The following MSR1 variants were observed in gnomAD, a reference collection of about 807,000 sequenced individuals.
The protein encoded by MSR1 is macrophage scavenger receptor 1, also known as macrophage scavenger receptor types I and II.
In MSR1, 53 loss-of-function variants were observed where a neutral mutation model predicts 47.2. The observed-to-expected ratio is 1.12, with a 90% CI of 0.90 to 1.41. MSR1 has a LOEUF of 1.41. MSR1 is among the 40% of genes most tolerant of loss of function. The pLI is 0.00. For synonymous variants in MSR1, 239 were observed against 185.6 expected (o/e 1.29, Z -2.34); for missense variants, 786 against 546.9 (o/e 1.44, Z -4.36).
chr8:16,113,957 T>C (rs1358282422), intron 9 of MSR1, among the ~76,000 whole-genome samples: 3 of 135,108 alleles, frequency 2.2e-5, no homozygotes, highest in Admixed American at 8.4e-5. Flanking sequence ...TGATGACCTC[T>C]GCTAGCCCTA....
At chr8:16,146,027 G>T (rs895742538) in intron 7 of MSR1, among the ~76,000 whole-genome samples, 1 of 151,986 alleles carries the variant, frequency 6.6e-6, no homozygotes, top group Non-Finnish European at 1.5e-5. Flanking sequence ...TGTAAGAGGG[G>T]GTGTCTTCAA....
chr8:16,113,170 G>C (rs557714215), intron 9 of MSR1, among the ~76,000 whole-genome samples: 1 of 151,632 alleles, frequency 6.6e-6, no homozygotes, highest in Admixed American at 6.6e-5. Flanking sequence ...GAATGGTCTC[G>C]ATCTCTTCAC....
intron 1 of MSR1, among the ~76,000 whole-genome samples, chr8:16,179,107 T>A (rs113358462): frequency 6.6e-6 from 1 of 152,202 alleles, no homozygotes; most frequent in East Asian, 1.9e-4. Context: ...TTTTTGAGTG[T>A]GGAAAAAGAG....
chr8:16,161,034 T>A (rs963235594), intron 5 of MSR1, among the ~76,000 whole-genome samples: 4 of 66,524 alleles, frequency 6.0e-5, no homozygotes, highest in Non-Finnish European at 1.0e-4. Flanking sequence ...TTAAATAGCA[T>A]TTTTTTTTTT....
At chr8:16,147,303 C>T (rs1800727377) in intron 7 of MSR1, among the ~76,000 whole-genome samples, 1 of 152,046 alleles carries the variant, frequency 6.6e-6, no homozygotes. Context: ...CTGTCTTATT[C>T]ACCCTTCATT....
intron 7 of MSR1, among the ~76,000 whole-genome samples, chr8:16,147,678 G>A (rs545544514): frequency 6.6e-6 from 1 of 152,110 alleles, no homozygotes; most frequent in East Asian, 1.9e-4. Flanking sequence ...TTGTAGAGGA[G>A]AGACTGTACT....
At chr8:16,115,046 G>T (rs564182985) in intron 9 of MSR1, among the ~76,000 whole-genome samples, 1 of 152,098 alleles carries the variant, frequency 6.6e-6, no homozygotes, top group South Asian at 2.1e-4. Context: ...GGGTGTGGTG[G>T]TGCATGCCTG....
chr8:16,128,314 C>T (rs115353245), intron 8 of MSR1, among the ~76,000 whole-genome samples: 2,758 of 152,002 alleles, frequency 0.018, 81 homozygotes, highest in African/African-American at 0.063. Flanking sequence ...AAGATAGAGG[C>T]CATATGGAGG....
At chr8:16,117,952 C>T (rs1799915210) in intron 9 of MSR1, among the ~76,000 whole-genome samples, 1 of 152,274 alleles carries the variant, frequency 6.6e-6, no homozygotes, top group African/African-American at 2.4e-5. Flanking sequence ...AAACCTTCTC[C>T]CATCCCTGGT....
At chr8:16,130,665 G>C (rs1476302063) in intron 8 of MSR1, among the ~76,000 whole-genome samples, 1 of 151,908 alleles carries the variant, frequency 6.6e-6, no homozygotes, top group Non-Finnish European at 1.5e-5. Context: ...CCCACTGTCT[G>C]TTGTTCCCTT....
chr8:16,169,576 A>C (rs1290675824), intron 3 of MSR1, among the ~76,000 whole-genome samples: 1 of 152,170 alleles, frequency 6.6e-6, no homozygotes, highest in Non-Finnish European at 1.5e-5. Flanking sequence ...AAAACAATTT[A>C]CCATGAATCT....
At chr8:16,136,570 C>A (rs1455038681) in intron 8 of MSR1, among the ~76,000 whole-genome samples, 1 of 151,970 alleles carries the variant, frequency 6.6e-6, no homozygotes, top group East Asian at 1.9e-4. Flanking sequence ...ATTAGCTATA[C>A]ACTCTATTAA....
chr8:16,173,706 T>C (rs923799376), intron 3 of MSR1, among the ~76,000 whole-genome samples: 1 of 152,176 alleles, frequency 6.6e-6, no homozygotes, highest in African/African-American at 2.4e-5. Context: ...TGGAGCACAG[T>C]GGCGCGATCT....
chr8:16,189,531 T>A (rs1323872790), intron 1 of MSR1, among the ~76,000 whole-genome samples: 1 of 98,330 alleles, frequency 1.0e-5, no homozygotes, highest in East Asian at 2.8e-4. Flanking sequence ...AATCATATTT[T>A]ATATATATTT....
intron 8 of MSR1, among the ~76,000 whole-genome samples, chr8:16,128,407 G>A (rs1800178030): frequency 6.6e-6 from 1 of 151,968 alleles, no homozygotes; most frequent in African/African-American, 2.4e-5. Context: ...AAGACACCAG[G>A]AGCTCAGTGC....
intron 1 of MSR1, among the ~76,000 whole-genome samples, chr8:16,183,862 T>C (rs941899970): frequency 9.3e-4 from 133 of 143,598 alleles, no homozygotes; most frequent in African/African-American, 3.2e-3. Flanking sequence ...CAATATATAA[T>C]ATTAAATATA....
At chr8:16,142,970 C>T (rs959093877) in intron 8 of MSR1, among the ~76,000 whole-genome samples, 1 of 152,098 alleles carries the variant, frequency 6.6e-6, no homozygotes, top group East Asian at 1.9e-4. Flanking sequence ...TAGAAGACAT[C>T]TCATCTAATA....
chr8:16,161,983 A>G (rs1801175967), intron 5 of MSR1, among the ~76,000 whole-genome samples: 1 of 152,044 alleles, frequency 6.6e-6, no homozygotes, highest in African/African-American at 2.4e-5. Flanking sequence ...TATGAATTTC[A>G]TGTAAGTTAC....
intron 8 of MSR1, among the ~76,000 whole-genome samples, chr8:16,126,666 A>C (rs76985765): frequency 0.045 from 6,903 of 152,234 alleles, 255 homozygotes; most frequent in East Asian, 0.14. Context: ...AACATAACAT[A>C]TTGTGTTACT....
Sources: gnomAD v4.1 joint callset for allele counts (sites outside exome capture counted in the v4.1 genomes callset) on GRCh38, gnomAD v4.1.1 for gene constraint, MANE v1.5 for transcripts, NCBI Gene and HGNC (gene_info 2026-07-23, HGNC 2026-07-21) for gene names.